The following NAA16 variants were observed in gnomAD, a reference collection of about 807,000 sequenced individuals.
NAA16 encodes NARG1-like protein.
A neutral mutation model predicts 110.3 loss-of-function variants in NAA16; 97 were observed. The ratio of observed to expected loss-of-function variants is 0.88; its 90% CI spans 0.75 to 1.04. The LOEUF (loss-of-function observed/expected upper bound fraction) is 1.04, where lower values mean the gene tolerates loss of function less well. NAA16 is among the 50% of genes least tolerant of loss of function. The pLI, the probability that NAA16 is intolerant of heterozygous loss-of-function variation, is 0.00. For missense variants in NAA16, 1,017 were observed against 1,005.1 expected, an observed-to-expected ratio of 1.01 and a Z score of -0.16; for synonymous variants, 372 against 330.6, an observed-to-expected ratio of 1.13 and a Z score of -1.36.
chr13:41,371,774 G>T (rs1487263290), intron 15 of NAA16, among the ~76,000 whole-genome samples: 1 of 152,086 alleles, frequency 6.6e-6, no homozygotes, highest in Admixed American at 6.6e-5. Context: ...CTGGGGGTGG[G>T]TCAGCTCCCC....
At chr13:41,357,765 CTG>C (rs989285071) in intron 10 of NAA16, among the ~76,000 whole-genome samples, 2 of 152,112 alleles carry the variant, frequency 1.3e-5, no homozygotes, top group African/African-American at 4.8e-5. Flanking sequence ...GAGGACTGGG[CTG>C]TGTTTTTTCT....
chr13:41,326,945 C>T (rs1332283159), intron 6 of NAA16, among the ~76,000 whole-genome samples: 1 of 152,148 alleles, frequency 6.6e-6, no homozygotes, highest in Non-Finnish European at 1.5e-5. Context: ...TCCTGCAAAC[C>T]CCTGGCAACC....
chr13:41,334,387 G>A (rs2042322727), intron 8 of NAA16, among the ~76,000 whole-genome samples: 2 of 152,284 alleles, frequency 1.3e-5, no homozygotes, highest in Non-Finnish European at 2.9e-5. Context: ...AGGGTAGAGA[G>A]AGGGAAGGAA....
chr13:41,360,456 G>A (rs921891765), intron 12 of NAA16, among the ~76,000 whole-genome samples: 5 of 152,254 alleles, frequency 3.3e-5, no homozygotes, highest in Admixed American at 3.3e-4. Flanking sequence ...GAAACAGAAA[G>A]CCCAGTGACA....
chr13:41,318,346 C>T (rs1162442238), intron 2 of NAA16, among the ~76,000 whole-genome samples: 1 of 152,100 alleles, frequency 6.6e-6, no homozygotes, highest in Non-Finnish European at 1.5e-5. Flanking sequence ...GCTGGGATTA[C>T]AGGCACATGC....
chr13:41,354,391 A>T lies in NAA16; in HGVS notation c.1015-753A>T, dbSNP rs141561959. 3.2e-3 allele frequency among the ~76,000 whole-genome samples: 481 copies of T among 152,334 alleles called. 4 individuals are homozygous for T. The highest frequency in any genetic ancestry group is 0.026 in the East Asian group (135 of 5,190). ...TTCTTTTGTAGCCATATATGCAAAAATCTGTTGAGTTTGTGACACATGACC... is the reference window on the plus strand; with the variant it reads ...TTCTTTTGTAGCCATATATGCAAAATTCTGTTGAGTTTGTGACACATGACC... On this transcript the variant is annotated intron_variant, in intron 9 of 19. Transcript: ENST00000379406.
rs377531286 is a variant in NAA16, at chr13:41,362,110, G to A, written c.1490G>A (p.Arg497His). The change falls in exon 13 of 20, where the codon CGT becomes CAT. Residue 497 changes from arginine (R) to histidine (H), a missense_variant. By Grantham distance (29) the Arg-to-His change is conservative. Coordinates refer to ENST00000379406, the MANE Select transcript of NAA16 (RefSeq NM_024561.5). ...FQTECISAYQ[R>H]LGRYGDALKK... ...ACAGAATGCATTTCAGCTTATCAGC[G>A]TCTGGGGAGATACGGGGATGCCTTG... is the stretch of plus-strand genomic sequence containing the variant. 2.9e-5 allele frequency: 46 copies of A among 1,608,732 alleles called. No individual in the cohort carries two copies. Among genetic ancestry groups the A allele is most frequent in the African/African-American group, 6.7e-5 (5 of 74,670 alleles).
intron 1 of NAA16, among the ~76,000 whole-genome samples, chr13:41,316,185 A>G (rs1406709935): frequency 6.6e-6 from 1 of 152,190 alleles, no homozygotes; most frequent in Non-Finnish European, 1.5e-5. Flanking sequence ...GCTGGAGTGC[A>G]GTGGCATGAT....
intron 10 of NAA16, 77 bp from the exon 11 acceptor site, chr13:41,358,227 T>C: frequency 8.1e-7 from 1 of 1,232,092 alleles, no homozygotes; most frequent in Non-Finnish European, 1.1e-6. Flanking sequence ...AGTCATTTCA[T>C]TATGAATTAG....
chr13:41,323,314 A>G (rs1001847158), intron 5 of NAA16, 124 bp downstream of exon 5: 2 of 909,878 alleles, frequency 2.2e-6, no homozygotes, highest in Non-Finnish European at 3.4e-6. Context: ...TTTTTGACGT[A>G]ATTGGAAACA....
intron 9 of NAA16, among the ~76,000 whole-genome samples, chr13:41,343,600 G>A (rs946491655): frequency 2.6e-5 from 4 of 152,028 alleles, no homozygotes; most frequent in Non-Finnish European, 4.4e-5. Context: ...GCACCATCTC[G>A]GCTCACTGCA....
chr13:41,327,980 G>C (rs905341390), intron 6 of NAA16: 3 of 152,050 alleles, frequency 2.0e-5, no homozygotes, highest in Non-Finnish European at 4.4e-5. Flanking sequence ...AGTATGACTT[G>C]AAGACATTTT....
chr13:41,352,696 A>G (rs1329793311), intron 9 of NAA16, among the ~76,000 whole-genome samples: 2 of 152,164 alleles, frequency 1.3e-5, no homozygotes, highest in African/African-American at 4.8e-5. Context: ...ATATTCAAGA[A>G]GTATGCCTAA....
chr13:41,372,756 C>T lies in NAA16; in HGVS notation c.2081C>T (p.Ser694Phe). The T allele has an allele frequency of 1.9e-6, 3 of 1,601,810 alleles. No individual in the cohort carries two copies. Among genetic ancestry groups the T allele is most frequent in the Non-Finnish European group, 2.6e-6 (3 of 1,172,784 alleles). ...GGAAAGTTTCTGTTAATGCTGCAGT[C>T]TGTCAAACGAGCTTTTGCCATTAAC... ...RKGKFLLMLQ[S>F]VKRAFAINSN... Residue 694 changes from serine to phenylalanine, a missense_variant, in exon 17 of 20, where the codon TCT (serine) becomes TTT (phenylalanine). Ser to Phe is a radical substitution (Grantham distance 155, BLOSUM62 -2). Coordinates refer to ENST00000379406, the MANE Select transcript of NAA16 (RefSeq NM_024561.5).
intron 1 of NAA16, among the ~76,000 whole-genome samples, chr13:41,312,258 A>G (rs764734798): frequency 2.0e-5 from 3 of 152,236 alleles, no homozygotes; most frequent in Non-Finnish European, 2.9e-5. Flanking sequence ...TTAGTCGCAC[A>G]GGCCTTGCTT....
Position 41,311,341 on chromosome 13 carries a change from G to T in NAA16, c.-188G>T. ...AGGGGAAGCGTGTCCTGCTCAGACCGCCTTCCTTCTCCATTGCCACCCGTG... is the reference window on the plus strand; with the variant it reads ...AGGGGAAGCGTGTCCTGCTCAGACCTCCTTCCTTCTCCATTGCCACCCGTG... On this transcript the variant is annotated 5_prime_UTR_variant, in exon 1 of 20. Transcript: ENST00000379406. The T allele has an allele frequency of 1.7e-6, 1 of 601,814 alleles. No homozygotes were observed. The highest frequency in any genetic ancestry group is 2.9e-6 in the Non-Finnish European group (1 of 343,456). 37.3% of individuals were successfully genotyped at this position (601,814 alleles called of 1,614,324 possible). A position where few individuals can be genotyped will look rare whatever the true frequency, so the allele number is the denominator to read the frequency against.
chr13:41,330,672 A>G (rs1003011170), intron 7 of NAA16, among the ~76,000 whole-genome samples: 1 of 152,090 alleles, frequency 6.6e-6, no homozygotes, highest in Non-Finnish European at 1.5e-5. Flanking sequence ...TTTATGTGGT[A>G]CTATAAAATT....
intron 16 of NAA16, 76 bp downstream of exon 16, chr13:41,372,387 C>T: frequency 7.0e-7 from 1 of 1,424,052 alleles, no homozygotes; most frequent in Non-Finnish European, 9.2e-7. Flanking sequence ...TTTGTCAGAT[C>T]TATTTTTGTT....
At chr13:41,325,316 T>C (rs998428742) in intron 5 of NAA16, among the ~76,000 whole-genome samples, 4 of 152,172 alleles carry the variant, frequency 2.6e-5, no homozygotes, top group Admixed American at 2.0e-4. Context: ...TGTGGTGGTC[T>C]GGAACCAAAC....
Sources: allele counts gnomAD v4.1 joint callset (sites outside exome capture counted in the v4.1 genomes callset), GRCh38; gene constraint gnomAD v4.1.1; transcripts MANE v1.5; gene names NCBI Gene and HGNC (gene_info 2026-07-23, HGNC 2026-07-21).